Variants in VAV1 observed in about 807,000 individuals in gnomAD.
VAV1 encodes the protein proto-oncogene vav.
Under a neutral mutation model 128.1 loss-of-function variants are expected in VAV1, and 33 were observed. The ratio of observed to expected loss-of-function variants is 0.26; its 90% CI spans 0.20 to 0.34. The LOEUF (loss-of-function observed/expected upper bound fraction) is 0.34. Ranked by LOEUF, VAV1 falls within the 10% of genes least tolerant of loss-of-function variation. The pLI, the probability that VAV1 is intolerant of heterozygous loss-of-function variation, is 1.00. For synonymous variants in VAV1, 394 were observed against 409.8 expected (o/e 0.96, Z 0.47); for missense variants, 715 against 1,093.7 (o/e 0.65, Z 4.88).
At chr19:6,799,254 G>A (rs941540214) in intron 1 of VAV1, among the ~76,000 whole-genome samples, 1 of 151,918 alleles carries the variant, frequency 6.6e-6, no homozygotes, top group African/African-American at 2.4e-5. Context: ...TGCAACCTCC[G>A]CCTCCCAGGT....
At chr19:6,824,223 G>A (rs765331672) in intron 6 of VAV1, among the ~76,000 whole-genome samples, 2 of 152,080 alleles carry the variant, frequency 1.3e-5, no homozygotes, top group Non-Finnish European at 2.9e-5. Flanking sequence ...TTTTGGGTGT[G>A]AGCCACCACC....
intron 23 of VAV1, 146 bp downstream of exon 23, chr19:6,848,260 C>T (rs931023667): frequency 3.1e-5 from 18 of 571,438 alleles, no homozygotes; most frequent in African/African-American, 2.9e-4. Flanking sequence ...ACGTGCCTTT[C>T]ACCTTCTTTA....
intron 1 of VAV1, among the ~76,000 whole-genome samples, chr19:6,791,505 T>C (rs1419085605): frequency 6.6e-6 from 1 of 152,040 alleles, no homozygotes; most frequent in African/African-American, 2.4e-5. Flanking sequence ...CCTTGAGATA[T>C]CTCCTCATTT....
intron 1 of VAV1, among the ~76,000 whole-genome samples, chr19:6,775,338 A>T (rs750781267): frequency 2.0e-5 from 3 of 152,216 alleles, no homozygotes; most frequent in Non-Finnish European, 4.4e-5. Flanking sequence ...CTTAAGGATG[A>T]ACTTCCATTC....
At position 6,828,407 on chromosome 19, in the gene VAV1, T is replaced by G. The variant is rs371620071; in HGVS notation, c.1024-12T>G. 2 of 1,613,944 alleles carry G rather than the reference T, an allele frequency of 1.2e-6. No individual in the cohort carries two copies. The highest frequency in any genetic ancestry group is 2.7e-5 in the African/African-American group (2 of 74,906). On this transcript the variant is annotated splice_polypyrimidine_tract_variant and intron_variant, in intron 10 of 26. Coordinates refer to ENST00000602142, the MANE Select transcript of VAV1 (RefSeq NM_005428.4). The surrounding 1 kb of genome is among the most constrained non-coding windows in gnomAD (Gnocchi z 4.5). ...GGGGCCCAGGTGACGTCTGACGTCTTGGTTCTCTCAGGAGCTGGTGAAACA... is the reference window on the plus strand; with the variant it reads ...GGGGCCCAGGTGACGTCTGACGTCTGGGTTCTCTCAGGAGCTGGTGAAACA...
Position 6,820,883 on chromosome 19 carries a change from G to A in VAV1, c.321+65G>A, listed in dbSNP as rs1463356519. The A allele has an allele frequency of 6.8e-7, 1 of 1,475,668 alleles. No individual in the cohort carries two copies. The highest frequency in any genetic ancestry group is 9.5e-7 in the Non-Finnish European group (1 of 1,056,456). The allele number at this position is 1,475,668 out of a possible 1,614,324, so 91.4% of individuals were successfully genotyped here. ...TAATTTCTATTGACGTCTACACTGG[G>A]CAAGCTAAGGACTGTCAGGGGACAG... On this transcript the variant is annotated intron_variant, in intron 2 of 26. Transcript: ENST00000602142. This position sits in a 1 kb window ranked among gnomAD's most constrained non-coding sequence, Gnocchi z 4.4.
At chr19:6,838,575 C>A (rs1972289673) in intron 21 of VAV1, among the ~76,000 whole-genome samples, 1 of 152,182 alleles carries the variant, frequency 6.6e-6, no homozygotes, top group Non-Finnish European at 1.5e-5. Context: ...ACCTACCGAT[C>A]TAACCATCTA....
rs900010072 is a variant in VAV1 at position 6,822,731 on chromosome 19, T to G, written c.654+217T>G. On this transcript the variant is annotated intron_variant, in intron 6 of 26. Transcript: ENST00000602142. This position sits in a 1 kb window ranked among gnomAD's most constrained non-coding sequence, Gnocchi z 5.9. ...TATATATTAAAAAATATATATAAAA[T>G]ATAGGACACTGCCTGCAGGAGCAGT... is the stretch of plus-strand genomic sequence containing the variant. Among the ~76,000 whole-genome samples, 1 of 148,220 alleles carries G rather than the reference T, an allele frequency of 6.7e-6. No individual in the cohort carries two copies. Among genetic ancestry groups the G allele is most frequent in the Non-Finnish European group, 1.5e-5 (1 of 67,220 alleles).
chr19:6,826,575 A>C lies in VAV1; in HGVS notation c.828-37A>C. ...CCAGCCTCTGCCCGACCTTGATGCC[A>C]GTCACCTTTACCTGGTGGCCTGTCT... On this transcript the variant is annotated intron_variant, in intron 8 of 26. Coordinates refer to ENST00000602142, the MANE Select transcript of VAV1 (RefSeq NM_005428.4). The surrounding 1 kb of genome is among the most constrained non-coding windows in gnomAD (Gnocchi z 4.1). 1 of 1,501,224 alleles carries C rather than the reference A, an allele frequency of 6.7e-7. No homozygotes were observed. Among genetic ancestry groups the C allele is most frequent in the Non-Finnish European group, 9.1e-7 (1 of 1,103,052 alleles). The allele number at this position is 1,501,224 out of a possible 1,614,324, so 93.0% of individuals were successfully genotyped here. A position where few individuals can be genotyped will look rare whatever the true frequency, so the allele number is the denominator to read the frequency against.
At chr19:6,832,617 CACCTCT>C (rs1972105629) in intron 15 of VAV1, among the ~76,000 whole-genome samples, 16 of 107,812 alleles carry the variant, frequency 1.5e-4, no homozygotes, top group South Asian at 6.3e-4. Flanking sequence ...ATTCCTCCTC[CACCTCT>C]TCTTCCTCCT....
intron 16 of VAV1, 105 bp from the exon 17 acceptor site, chr19:6,833,423 C>T: frequency 2.2e-6 from 3 of 1,393,350 alleles, no homozygotes; most frequent in Non-Finnish European, 2.9e-6. Flanking sequence ...CCGTCACTCT[C>T]CTGATCTAAA....
chr19:6,839,200 C>T (rs1407737878), intron 21 of VAV1, among the ~76,000 whole-genome samples: 2 of 150,312 alleles, frequency 1.3e-5, no homozygotes, highest in Non-Finnish European at 3.0e-5. Context: ...TGCACCCAGC[C>T]GCAGCTGTTT....
chr19:6,772,758 GGT>G lies in VAV1; in HGVS notation c.-48_-47del, dbSNP rs1490652106. The G allele has an allele frequency of 2.5e-6, 4 of 1,579,662 alleles. No homozygotes were observed. Among genetic ancestry groups the G allele is most frequent in the Non-Finnish European group, 3.4e-6 (4 of 1,161,480 alleles). On this transcript the variant is annotated 5_prime_UTR_variant, in exon 1 of 27. Transcript: ENST00000602142. This position sits in a 1 kb window ranked among gnomAD's most constrained non-coding sequence, Gnocchi z 4.8. The stretch of plus-strand genomic sequence containing the variant: ...AGCAGGGCAGGCGTGCGGGCGGGTG[GGT>G]GGTGGAGGCTGCGAGGGTGCACGGC...
chr19:6,848,651 C>G (rs1972587381), intron 23 of VAV1, among the ~76,000 whole-genome samples: 1 of 152,092 alleles, frequency 6.6e-6, no homozygotes, highest in Admixed American at 6.6e-5. Flanking sequence ...GATCCACCCG[C>G]CTCGGCCTCC....
At chr19:6,816,728 G>C (rs1285874483) in intron 1 of VAV1, among the ~76,000 whole-genome samples, 1 of 151,976 alleles carries the variant, frequency 6.6e-6, no homozygotes, top group Non-Finnish European at 1.5e-5. Context: ...ACTTTGGGAG[G>C]CCGAGGCAGG....
intron 1 of VAV1, among the ~76,000 whole-genome samples, chr19:6,809,067 A>C (rs1008821773): frequency 1.0e-3 from 129 of 129,456 alleles, no homozygotes; most frequent in Admixed American, 2.2e-3. Flanking sequence ...AAGACTTAGA[A>C]TCTACCTCTC....
At chr19:6,807,582 G>T (rs1166693112) in intron 1 of VAV1, among the ~76,000 whole-genome samples, 2 of 152,084 alleles carry the variant, frequency 1.3e-5, no homozygotes, top group East Asian at 3.8e-4. Context: ...CCGGTACCAG[G>T]AGGCTTGTAC....
chr19:6,776,548 CCATCCATT>C (rs1307538280), intron 1 of VAV1, among the ~76,000 whole-genome samples: 1 of 149,770 alleles, frequency 6.7e-6, no homozygotes, highest in East Asian at 2.0e-4. Context: ...ATCCATCCAT[CCATCCATT>C]CAACCACCCA....
intron 21 of VAV1, among the ~76,000 whole-genome samples, chr19:6,838,810 C>G (rs936367821): frequency 6.6e-6 from 1 of 152,038 alleles, no homozygotes; most frequent in African/African-American, 2.4e-5. Context: ...CTCACTGCAG[C>G]CTTGACCTCC....
Sources: gnomAD v4.1 joint callset for allele counts (sites outside exome capture counted in the v4.1 genomes callset) on GRCh38, gnomAD v4.1.1 for gene constraint, Gnocchi (gnomAD v3.1) non-coding constraint, MANE v1.5 for transcripts, NCBI Gene and HGNC (gene_info 2026-07-23, HGNC 2026-07-21) for gene names.